DEF6: variants seen among roughly 807,000 people sequenced by gnomAD.
DEF6 encodes the protein differentially expressed in FDCP 6 homolog.
Under a neutral mutation model 80.5 loss-of-function variants are expected in DEF6, and 32 were observed. The observed-to-expected ratio is 0.40, with a 90% CI of 0.30 to 0.53. The LOEUF (loss-of-function observed/expected upper bound fraction) is 0.53. DEF6 is among the 20% of genes least tolerant of loss of function. The pLI is 0.57. For synonymous variants in DEF6, 300 were observed against 337.9 expected (o/e 0.89, Z 1.23); for missense variants, 575 against 818.7 (o/e 0.70, Z 3.63).
chr6:35,303,551 C>T (rs1269409578), intron 1 of DEF6, among the ~76,000 whole-genome samples: 2 of 152,170 alleles, frequency 1.3e-5, no homozygotes, highest in Non-Finnish European at 2.9e-5. Context: ...AATGTTTCTA[C>T]CCTTGTGGTG....
At chr6:35,307,507 A>G (rs1453700898) in intron 1 of DEF6, among the ~76,000 whole-genome samples, 4 of 152,236 alleles carry the variant, frequency 2.6e-5, no homozygotes, top group African/African-American at 7.2e-5. Context: ...GGATGTTGGC[A>G]TTATTCTCTT....
chr6:35,315,907 G>A (rs111988861), intron 5 of DEF6, among the ~76,000 whole-genome samples: 3 of 139,586 alleles, frequency 2.1e-5, no homozygotes, highest in African/African-American at 8.3e-5. Flanking sequence ...CGCCCAGGCT[G>A]GAGTGCAATG....
chr6:35,304,875 C>T (rs771707450), intron 1 of DEF6, among the ~76,000 whole-genome samples: 3 of 151,574 alleles, frequency 2.0e-5, no homozygotes, highest in Non-Finnish European at 4.4e-5. Context: ...TTTTTCATCC[C>T]TATTGTTTTA....
chr6:35,306,087 T>G (rs1331951983), intron 1 of DEF6, among the ~76,000 whole-genome samples: 1 of 150,460 alleles, frequency 6.6e-6, no homozygotes, highest in Non-Finnish European at 1.5e-5. Context: ...AGAGACAGGG[T>G]TTCAACATGT....
At position 35,312,939 on chromosome 6, in the gene DEF6, C is replaced by A. The variant is rs1041036610; in HGVS notation, c.807+167C>A. 6.6e-6 allele frequency among the ~76,000 whole-genome samples: 1 copy of A among 152,162 alleles called. No homozygotes were observed. Among genetic ancestry groups the A allele is most frequent in the East Asian group, 1.9e-4 (1 of 5,192 alleles). On this transcript the variant is annotated intron_variant, in intron 5 of 10. Transcript: ENST00000316637. This position sits in a 1 kb window ranked among gnomAD's most constrained non-coding sequence, Gnocchi z 6.6. Reference sequence around the variant, plus strand: ...TATATCCGGATGCCTCAAGGCCATTCTCATCCACGTCAGCACTTAAAACTA... The same window carrying A: ...TATATCCGGATGCCTCAAGGCCATTATCATCCACGTCAGCACTTAAAACTA...
chr6:35,309,637 A>C lies in DEF6; in HGVS notation c.97-33A>C, dbSNP rs1358019206. The stretch of plus-strand genomic sequence containing the variant: ...TCTGGCCCAGTTTTGGTTGGGGTGC[A>C]GAAAGACACACTGCCACTCTACTCT... On this transcript the variant is annotated intron_variant, in intron 1 of 10. Coordinates refer to ENST00000316637, the MANE Select transcript of DEF6 (RefSeq NM_022047.4). The C allele has an allele frequency of 4.4e-6, 7 of 1,605,228 alleles. No homozygotes were observed. In the African/African-American group the frequency reaches 9.4e-5, roughly 21 times the overall value.
rs370128686 is a variant in DEF6, at chr6:35,317,893, G to A, written c.810G>A (p.Val270=). Residue 270 remains valine (V), a splice_region_variant and synonymous_variant, in exon 6 of 11, where the codon GTG becomes GTA. Transcript: ENST00000316637. ...TGCGGCCACCTACCCTGTGCCAGGT[G>A]CTGCCAGACCGCGACGGAAAGCGCT... The part of the protein sequence containing the change: ...IPLDAHCCVE[V]LPDRDGKRCM... 1 of 1,612,998 alleles carries A rather than the reference G, an allele frequency of 6.2e-7. No individual in the cohort carries two copies. Among genetic ancestry groups the A allele is most frequent in the Non-Finnish European group, 8.5e-7 (1 of 1,179,648 alleles).
chr6:35,319,496 C>G lies in DEF6; in HGVS notation c.1216-28C>G, dbSNP rs1325706571. 5 of 1,566,722 alleles carry G rather than the reference C, an allele frequency of 3.2e-6. No individual in the cohort carries two copies. Among genetic ancestry groups the G allele is most frequent in the Middle Eastern group, 2.1e-4 (1 of 4,808 alleles). On this transcript the variant is annotated intron_variant, in intron 7 of 10. Coordinates refer to ENST00000316637, the MANE Select transcript of DEF6 (RefSeq NM_022047.4). The surrounding 1 kb of genome is among the most constrained non-coding windows in gnomAD (Gnocchi z 4.5). ...CCCACGTGCCCCTTTTGACCTGGCT[C>G]TTGGTCCACCACCTCCCCCCTCCAC...
intron 1 of DEF6, among the ~76,000 whole-genome samples, chr6:35,307,369 AGCCTGGGCGGCAGATTT>A (rs1231436337): frequency 6.6e-6 from 1 of 152,286 alleles, no homozygotes; most frequent in Non-Finnish European, 1.5e-5. Context: ...ACTGCGCTCT[AGCCTGGGCGGCAGATTT>A]GGAACGCGTC....
At chr6:35,307,222 A>G (rs1305739487) in intron 1 of DEF6, among the ~76,000 whole-genome samples, 2 of 152,218 alleles carry the variant, frequency 1.3e-5, no homozygotes, top group African/African-American at 4.8e-5. Flanking sequence ...AACATAGCGA[A>G]ATTCCATCTC....
rs778350793 is a variant in DEF6 at position 35,320,902 on chromosome 6, C to T, written c.1600C>T (p.Arg534Cys). Residue 534 changes from arginine (R) to cysteine (C), a missense_variant, in exon 10 of 11, where the codon CGC (arginine) becomes TGC (cysteine). Arg to Cys is a radical substitution (Grantham distance 180, BLOSUM62 -3). Transcript: ENST00000316637. ...CCCACAGGCTGCCCAGAGAAAACTG[C>T]GCCAGGCCAGCACCAACGTGAAACA... ...EDVEAAQRKLRQASTNVKHWN... is the reference protein window; with the variant it reads ...EDVEAAQRKLCQASTNVKHWN... 20 of 1,609,290 alleles carry T rather than the reference C, an allele frequency of 1.2e-5. No individual in the cohort carries two copies. Among genetic ancestry groups the T allele is most frequent in the Middle Eastern group, 1.6e-4 (1 of 6,078 alleles).
chr6:35,300,473 G>T (rs1026100130), intron 1 of DEF6, among the ~76,000 whole-genome samples: 5 of 152,142 alleles, frequency 3.3e-5, no homozygotes, highest in Non-Finnish European at 7.4e-5. Flanking sequence ...GGCTGTCCTG[G>T]GCAAACCCAC....
intron 10 of DEF6, 62 bp downstream of exon 10, chr6:35,321,036 G>C (rs1383092653): frequency 1.9e-6 from 3 of 1,583,358 alleles, no homozygotes; most frequent in African/African-American, 2.7e-5. Context: ...AGGGAGAAAG[G>C]TCTCCCTGGG....
At chr6:35,303,238 A>G (rs1791340467) in intron 1 of DEF6, among the ~76,000 whole-genome samples, 1 of 152,166 alleles carries the variant, frequency 6.6e-6, no homozygotes, top group Non-Finnish European at 1.5e-5. Flanking sequence ...AGTGCAGGTG[A>G]GGTGCAGGTC....
At chr6:35,301,956 A>C (rs944826340) in intron 1 of DEF6, among the ~76,000 whole-genome samples, 2 of 152,130 alleles carry the variant, frequency 1.3e-5, no homozygotes, top group African/African-American at 2.4e-5. Flanking sequence ...TGAACTCCTG[A>C]CCTCAGGTGA....
At chr6:35,308,597 C>A (rs1181289882) in intron 1 of DEF6, among the ~76,000 whole-genome samples, 1 of 151,624 alleles carries the variant, frequency 6.6e-6, no homozygotes, top group Non-Finnish European at 1.5e-5. Context: ...CACTTGAACC[C>A]AGGAGGTGGA....
intron 1 of DEF6, 121 bp downstream of exon 1, chr6:35,298,073 C>T: frequency 1.1e-6 from 1 of 916,724 alleles, no homozygotes; most frequent in Non-Finnish European, 1.7e-6. Flanking sequence ...GCGTCCCGGG[C>T]CTGGGGTCGG....
At chr6:35,309,594 A>G (rs1353698850) in intron 1 of DEF6, 76 bp from the exon 2 acceptor site, 1 of 1,543,668 alleles carries the variant, frequency 6.5e-7, no homozygotes, top group East Asian at 2.3e-5. Context: ...GGACAAGCAG[A>G]GAGGTGGGGA....
At chr6:35,316,749 A>G (rs1791529466) in intron 5 of DEF6, among the ~76,000 whole-genome samples, 1 of 152,180 alleles carries the variant, frequency 6.6e-6, no homozygotes, top group Non-Finnish European at 1.5e-5. Context: ...CCTGGGATGA[A>G]TCCCATCTGA....
Sources: allele counts gnomAD v4.1 joint callset (sites outside exome capture counted in the v4.1 genomes callset), GRCh38; gene constraint gnomAD v4.1.1; non-coding constraint Gnocchi (gnomAD v3.1); transcripts MANE v1.5; gene names NCBI Gene and HGNC (gene_info 2026-07-23, HGNC 2026-07-21).